ULK4: variants seen among roughly 807,000 people sequenced by gnomAD.
The protein encoded by ULK4 is unc-51 like kinase 4, also known as inactive serine/threonine-protein kinase ULK4.
In ULK4, 133 loss-of-function variants were observed where a neutral mutation model predicts 160.6. That is an observed-to-expected ratio of 0.83 (90% CI 0.72 to 0.96). ULK4 has a LOEUF of 0.96. Among genes scored for constraint, ULK4 ranks in the 40% least tolerant of loss-of-function variants. The pLI, the probability that ULK4 is intolerant of heterozygous loss-of-function variation, is 0.00. For missense variants in ULK4, 1,580 were observed against 1,499.5 expected (o/e 1.05, Z -0.89); for synonymous variants, 534 against 539.8 (o/e 0.99, Z 0.15).
chr3:41,691,899 C>T (rs1201744988), intron 27 of ULK4, among the ~76,000 whole-genome samples: 1 of 140,584 alleles, frequency 7.1e-6, no homozygotes, highest in Non-Finnish European at 1.5e-5. Flanking sequence ...AGAACAACAA[C>T]AAAAAAGGAC....
intron 16 of ULK4, among the ~76,000 whole-genome samples, chr3:41,892,954 T>C (rs957500957): frequency 6.6e-6 from 1 of 152,226 alleles, no homozygotes; most frequent in Admixed American, 6.5e-5. Context: ...CCCATCTCCT[T>C]AGCTGCAGCA....
intron 34 of ULK4, among the ~76,000 whole-genome samples, chr3:41,434,240 T>C (rs1465153989): frequency 6.6e-6 from 1 of 152,226 alleles, no homozygotes; most frequent in Non-Finnish European, 1.5e-5. Flanking sequence ...TATTTCATTA[T>C]TTAGGGGCAA....
chr3:41,837,616 T>C (rs190392970), intron 17 of ULK4, among the ~76,000 whole-genome samples: 24 of 152,040 alleles, frequency 1.6e-4, no homozygotes, highest in Admixed American at 1.5e-3. Context: ...CAGGCTGGAA[T>C]GCAGTCGCAC....
At chr3:41,749,237 C>T (rs994546672) in intron 22 of ULK4, among the ~76,000 whole-genome samples, 8 of 152,156 alleles carry the variant, frequency 5.3e-5, no homozygotes, top group African/African-American at 1.9e-4. Context: ...AATCCCAGCA[C>T]TTTGGGAGGC....
intron 32 of ULK4, among the ~76,000 whole-genome samples, chr3:41,495,541 C>T (rs1396521129): frequency 6.6e-6 from 1 of 151,260 alleles, no homozygotes; most frequent in Non-Finnish European, 1.5e-5. Flanking sequence ...GTCTAAAACA[C>T]CAAAAGCAAT....
At chr3:41,559,723 G>GT (rs1165896780) in intron 32 of ULK4, among the ~76,000 whole-genome samples, 13 of 152,034 alleles carry the variant, frequency 8.6e-5, no homozygotes, top group African/African-American at 2.6e-4. Flanking sequence ...TGATGGAGTT[G>GT]TTTATTTTCT....
chr3:41,931,847 T>G lies in ULK4; in HGVS notation c.538A>C (p.Lys180Gln), dbSNP rs749023625. ...TAAGCTTTCCAGGTCCACATACCTT[T>G]GACTCTACTTTTCATGCTTTTCTTC... ...VLKKSMKSRV[K>Q]GSPVYTAPEV... The change falls in exon 5 of 37, where the codon AAA (lysine) becomes CAA (glutamine). Residue 180 changes from lysine to glutamine, a missense_variant. Transcript: ENST00000301831. 6.2e-7 allele frequency: 1 copy of G among 1,614,122 alleles called. No homozygotes were observed. The highest frequency in any genetic ancestry group is 2.2e-5 in the East Asian group (1 of 44,878).
At chr3:41,763,190 C>T (rs1031595800) in intron 21 of ULK4, among the ~76,000 whole-genome samples, 1 of 151,872 alleles carries the variant, frequency 6.6e-6, no homozygotes, top group Admixed American at 6.6e-5. Context: ...ATATGCAACC[C>T]ATAATTATAT....
intron 17 of ULK4, among the ~76,000 whole-genome samples, chr3:41,870,119 T>C (rs904969984): frequency 5.9e-5 from 9 of 152,328 alleles, no homozygotes; most frequent in Admixed American, 5.9e-4. Context: ...TTTCTCTAAT[T>C]GCTTTTAGGA....
chr3:41,423,911 C>T (rs1259079327), intron 34 of ULK4, among the ~76,000 whole-genome samples: 1 of 152,172 alleles, frequency 6.6e-6, no homozygotes, highest in African/African-American at 2.4e-5. Flanking sequence ...ACCACCAGGG[C>T]CTTGGGCCCC....
chr3:41,296,718 C>T (rs192078779), intron 35 of ULK4, among the ~76,000 whole-genome samples: 112 of 152,136 alleles, frequency 7.4e-4, no homozygotes, highest in African/African-American at 2.7e-3. Context: ...TAACAAAGGT[C>T]CTCATGGCTA....
At chr3:41,326,240 A>T (rs1450946071) in intron 35 of ULK4, among the ~76,000 whole-genome samples, 2 of 152,088 alleles carry the variant, frequency 1.3e-5, no homozygotes, top group African/African-American at 4.8e-5. Flanking sequence ...ATACCTCATA[A>T]ATCAATACAG....
chr3:41,874,062 T>C (rs1190209009), intron 17 of ULK4, among the ~76,000 whole-genome samples: 1 of 152,092 alleles, frequency 6.6e-6, no homozygotes, highest in Non-Finnish European at 1.5e-5. Flanking sequence ...ATATAATTCA[T>C]ATATCTCAGA....
chr3:41,557,151 A>G (rs1272193658), intron 32 of ULK4, among the ~76,000 whole-genome samples: 1 of 152,148 alleles, frequency 6.6e-6, no homozygotes, highest in Non-Finnish European at 1.5e-5. Flanking sequence ...AGAAGCCAAA[A>G]AAGCATTTGA....
At chr3:41,261,509 G>GTTGGATGA (rs1553635826) in intron 35 of ULK4, among the ~76,000 whole-genome samples, 1 of 152,158 alleles carries the variant, frequency 6.6e-6, no homozygotes, top group Non-Finnish European at 1.5e-5. Flanking sequence ...TGGCAAAGTT[G>GTTGGATGA]TTGGCTGATT....
intron 32 of ULK4, among the ~76,000 whole-genome samples, chr3:41,514,080 C>A (rs917817914): frequency 6.6e-6 from 1 of 152,132 alleles, no homozygotes; most frequent in African/African-American, 2.4e-5. Context: ...GTAAATTTAT[C>A]CTGAACTAGA....
chr3:41,633,515 T>C (rs1429019409), intron 30 of ULK4, among the ~76,000 whole-genome samples: 1 of 152,128 alleles, frequency 6.6e-6, no homozygotes, highest in Non-Finnish European at 1.5e-5. Flanking sequence ...AAAGGTCTGC[T>C]GAGCCTTTCT....
intron 2 of ULK4, among the ~76,000 whole-genome samples, chr3:41,944,332 C>T (rs1212748522): frequency 2.0e-5 from 3 of 152,176 alleles, no homozygotes; most frequent in South Asian, 2.1e-4. Context: ...TGTAATTTCA[C>T]GGGAGGATGA....
At chr3:41,419,568 T>C (rs145758356) in intron 34 of ULK4, among the ~76,000 whole-genome samples, 72 of 152,272 alleles carry the variant, frequency 4.7e-4, no homozygotes, top group Non-Finnish European at 1.0e-3. Context: ...CGCCCTGCAG[T>C]GGTGGCGGTG....
Sources: gnomAD v4.1 joint callset for allele counts (sites outside exome capture counted in the v4.1 genomes callset) on GRCh38, gnomAD v4.1.1 for gene constraint, MANE v1.5 for transcripts, NCBI Gene and HGNC (gene_info 2026-07-23, HGNC 2026-07-21) for gene names.